SAXO1: variants seen among roughly 807,000 people sequenced by gnomAD.
The protein encoded by SAXO1 is stabilizer of axonemal microtubules 1.
Under a neutral mutation model 17.5 loss-of-function variants are expected in SAXO1, and 21 were observed. The ratio of observed to expected loss-of-function variants is 1.20; its 90% CI spans 0.85 to 1.72. The LOEUF (loss-of-function observed/expected upper bound fraction) is 1.72. Ranked by LOEUF, SAXO1 falls within the 40% of genes most tolerant of loss-of-function variation. The probability of loss-of-function intolerance (pLI) is 0.00; values close to 1 mark genes in which losing one functional copy is unlikely to be tolerated. For missense variants in SAXO1, 843 were observed against 596.0 expected, an observed-to-expected ratio of 1.41 and a Z score of -4.32; for synonymous variants, 274 against 216.5, an observed-to-expected ratio of 1.27 and a Z score of -2.33.
chr9:18,939,469 A>G (rs574647762), intron 3 of SAXO1, among the ~76,000 whole-genome samples: 1 of 152,376 alleles, frequency 6.6e-6, no homozygotes, highest in South Asian at 2.1e-4. Flanking sequence ...AAGACAGGGG[A>G]GTGCAAGGCA....
chr9:18,939,855 G>A (rs572870417), intron 3 of SAXO1, among the ~76,000 whole-genome samples: 1 of 152,272 alleles, frequency 6.6e-6, no homozygotes, highest in East Asian at 1.9e-4. Context: ...ATTATCTGAG[G>A]AGTTTTATAC....
chr9:18,975,353 G>A (rs1448764230), intron 1 of SAXO1, among the ~76,000 whole-genome samples: 2 of 152,174 alleles, frequency 1.3e-5, no homozygotes. Context: ...TGCCCTCTTA[G>A]GGACGATGTG....
intron 1 of SAXO1, among the ~76,000 whole-genome samples, chr9:18,962,331 G>A (rs575397499): frequency 6.6e-6 from 1 of 152,290 alleles, no homozygotes; most frequent in Admixed American, 6.5e-5. Flanking sequence ...GCCTCCCAAA[G>A]TGCTGGGATT....
intron 1 of SAXO1, among the ~76,000 whole-genome samples, chr9:18,991,889 G>C (rs1032528661): frequency 1.3e-5 from 2 of 152,036 alleles, no homozygotes; most frequent in Admixed American, 1.3e-4. Flanking sequence ...GAGACCTTTG[G>C]CTACCAAACC....
intron 1 of SAXO1, among the ~76,000 whole-genome samples, chr9:19,004,858 G>C (rs553810070): frequency 3.3e-5 from 5 of 151,926 alleles, no homozygotes; most frequent in African/African-American, 4.8e-5. Context: ...CTAGAACTTA[G>C]AGTAAAATAA....
intron 1 of SAXO1, among the ~76,000 whole-genome samples, chr9:18,962,830 T>C (rs1345833502): frequency 6.6e-6 from 1 of 152,252 alleles, no homozygotes; most frequent in Non-Finnish European, 1.5e-5. Context: ...ATTTTGGCTT[T>C]TGTCGCCATT....
chr9:19,008,798 T>C (rs1834598863), intron 1 of SAXO1, among the ~76,000 whole-genome samples: 1 of 152,150 alleles, frequency 6.6e-6, no homozygotes, highest in Admixed American at 6.5e-5. Flanking sequence ...CCCCAGCCAC[T>C]GCAGGGGACT....
chr9:19,046,968 C>G (rs1280659663), intron 1 of SAXO1, among the ~76,000 whole-genome samples: 8 of 152,246 alleles, frequency 5.3e-5, no homozygotes, highest in East Asian at 3.8e-4. Context: ...GGGCAGATCA[C>G]TTAAGACCAG....
chr9:19,033,117 G>A lies in SAXO1; in HGVS notation c.-209C>T, dbSNP rs987576242. On this transcript the variant is annotated 5_prime_UTR_variant, in exon 1 of 4. Coordinates refer to ENST00000380534, the MANE Select transcript of SAXO1 (RefSeq NM_153707.4). ...TGGCCTAGCGCGAGGTAGCAGCAGGGGGCTTGCACGCGCGCCAGCCCGGGA... is the reference window on the plus strand; with the variant it reads ...TGGCCTAGCGCGAGGTAGCAGCAGGAGGCTTGCACGCGCGCCAGCCCGGGA... The A allele has an allele frequency of 4.0e-5, 20 of 501,886 alleles. No individual in the cohort carries two copies. The highest frequency in any genetic ancestry group is 6.2e-5 in the Non-Finnish European group (18 of 288,904). 31.1% of individuals were successfully genotyped at this position (501,886 alleles called of 1,614,324 possible). A position where few individuals can be genotyped will look rare whatever the true frequency, so the allele number is the denominator to read the frequency against.
At chr9:18,939,427 A>G (rs1453680663) in intron 3 of SAXO1, among the ~76,000 whole-genome samples, 1 of 152,256 alleles carries the variant, frequency 6.6e-6, no homozygotes, top group Non-Finnish European at 1.5e-5. Flanking sequence ...CCTGGCCATT[A>G]AAGGAAGCAT....
chr9:18,999,217 G>A (rs1313346660), intron 1 of SAXO1, among the ~76,000 whole-genome samples: 3 of 152,242 alleles, frequency 2.0e-5, no homozygotes, highest in Admixed American at 2.0e-4. Flanking sequence ...ACCCATCTTA[G>A]GTGGAAAGAC....
At chr9:18,950,721 G>C (rs1478045487) in intron 2 of SAXO1, 37 bp downstream of exon 2, 2 of 1,568,992 alleles carry the variant, frequency 1.3e-6, no homozygotes, top group Middle Eastern at 1.7e-4. Context: ...CATTAGTGTT[G>C]TATGTACCTG....
At chr9:18,940,122 G>A (rs539410296) in intron 3 of SAXO1, among the ~76,000 whole-genome samples, 1 of 152,324 alleles carries the variant, frequency 6.6e-6, no homozygotes, top group African/African-American at 2.4e-5. Flanking sequence ...GACAGACACA[G>A]GAGCGGCTGG....
At chr9:18,948,676 A>G (rs556749508) in intron 2 of SAXO1, among the ~76,000 whole-genome samples, 1 of 152,264 alleles carries the variant, frequency 6.6e-6, no homozygotes, top group East Asian at 1.9e-4. Flanking sequence ...GGGGCCTCAG[A>G]GCTAGGTGTT....
intron 2 of SAXO1, among the ~76,000 whole-genome samples, chr9:18,949,342 C>A (rs1467397104): frequency 6.6e-6 from 1 of 150,548 alleles, no homozygotes; most frequent in Non-Finnish European, 1.5e-5. Flanking sequence ...CCTGTAGTCC[C>A]AGCTACTAGG....
intron 1 of SAXO1, among the ~76,000 whole-genome samples, chr9:18,959,015 G>C (rs901089960): frequency 3.3e-5 from 5 of 152,170 alleles, no homozygotes; most frequent in African/African-American, 1.2e-4. Context: ...TTAACAGTTT[G>C]ATGCCACAGA....
At chr9:18,941,608 C>A (rs781711386) in intron 3 of SAXO1, 29 bp downstream of exon 3, 2 of 1,612,782 alleles carry the variant, frequency 1.2e-6, no homozygotes, top group Admixed American at 1.7e-5. Flanking sequence ...CCTGTCTTTC[C>A]CCCAATCTGC....
rs999735484 is a variant in SAXO1 at position 18,953,196 on chromosome 9, C to A, written c.39-2259G>T. ...CTAAAAGAAAAGTCAAGATTTTATT[C>A]AGGATAACTTAGTTTCAGGCACTTA... On this transcript the variant is annotated intron_variant, in intron 1 of 3. Coordinates refer to ENST00000380534, the MANE Select transcript of SAXO1 (RefSeq NM_153707.4). Among the ~76,000 whole-genome samples, 17 of 152,292 alleles carry A rather than the reference C, an allele frequency of 1.1e-4. No homozygotes were observed. In the East Asian group the frequency reaches 3.3e-3, roughly 29 times the overall value.
chr9:18,963,807 G>A (rs182161270), intron 1 of SAXO1, among the ~76,000 whole-genome samples: 3 of 152,196 alleles, frequency 2.0e-5, no homozygotes, highest in East Asian at 1.9e-4. Flanking sequence ...TGATTGCCCT[G>A]GCCAGAATTT....
Sources: gnomAD v4.1 joint callset for allele counts (sites outside exome capture counted in the v4.1 genomes callset) on GRCh38, gnomAD v4.1.1 for gene constraint, MANE v1.5 for transcripts, NCBI Gene and HGNC (gene_info 2026-07-23, HGNC 2026-07-21) for gene names.